The following DCC variants were observed in gnomAD, a reference collection of about 807,000 sequenced individuals.
The protein encoded by DCC is netrin receptor DCC.
Under a neutral mutation model 172.5 loss-of-function variants are expected in DCC, and 58 were observed. The observed-to-expected ratio is 0.34, with a 90% CI of 0.27 to 0.42. The LOEUF (loss-of-function observed/expected upper bound fraction) is 0.42. DCC is among the 10% of genes least tolerant of loss of function. DCC has a pLI of 1.00. For missense variants in DCC, 1,740 were observed against 1,791.0 expected (o/e 0.97, Z 0.51); for synonymous variants, 709 against 644.5 (o/e 1.10, Z -1.52).
At chr18:53,423,286 G>A (rs73461187) in intron 21 of DCC, among the ~76,000 whole-genome samples, 1 of 152,016 alleles carries the variant, frequency 6.6e-6, no homozygotes, top group Non-Finnish European at 1.5e-5. Context: ...CCAAGTACAC[G>A]GTCTTCCTAG....
chr18:52,384,643 T>C (rs902418647), intron 1 of DCC, among the ~76,000 whole-genome samples: 11 of 152,144 alleles, frequency 7.2e-5, no homozygotes, highest in African/African-American at 2.2e-4. Context: ...AAAATACTCA[T>C]CAGCTCTTGT....
intron 5 of DCC, among the ~76,000 whole-genome samples, chr18:53,021,235 TGTGGCTTGTAGGTCA>T (rs982679186): frequency 2.0e-5 from 3 of 152,194 alleles, no homozygotes; most frequent in Admixed American, 2.0e-4. Context: ...CATTCTTTCT[TGTGGCTTGTAGGTCA>T]GTGTTCTAAC....
chr18:52,698,340 T>C (rs1416018282), intron 1 of DCC, among the ~76,000 whole-genome samples: 1 of 152,190 alleles, frequency 6.6e-6, no homozygotes, highest in Non-Finnish European at 1.5e-5. Context: ...TTCTTTAACT[T>C]TGGAAAGAAT....
chr18:53,135,615 CA>C (rs1455028063), intron 7 of DCC, among the ~76,000 whole-genome samples: 1 of 152,100 alleles, frequency 6.6e-6, no homozygotes, highest in Non-Finnish European at 1.5e-5. Flanking sequence ...TTCAACTGGA[CA>C]AGGTTTTATG....
chr18:53,483,593 A>G (rs1410911735), intron 25 of DCC, among the ~76,000 whole-genome samples: 1 of 151,868 alleles, frequency 6.6e-6, no homozygotes, highest in African/African-American at 2.4e-5. Context: ...TATTTTCCCC[A>G]CAGATTAACA....
chr18:53,292,114 C>CT (rs199912413), intron 12 of DCC, among the ~76,000 whole-genome samples: 2 of 10,164 alleles, frequency 2.0e-4, no homozygotes, highest in African/African-American at 2.9e-4. Flanking sequence ...TTGAGCTCCA[C>CT]CCCCCCCCCC....
intron 2 of DCC, among the ~76,000 whole-genome samples, chr18:52,875,870 C>T (rs1055064270): frequency 1.2e-4 from 19 of 152,216 alleles, no homozygotes; most frequent in African/African-American, 4.6e-4. Flanking sequence ...CCTGGACCTT[C>T]TGGGATCTCT....
chr18:53,320,756 A>G (rs745586024), intron 13 of DCC, among the ~76,000 whole-genome samples: 3 of 152,170 alleles, frequency 2.0e-5, no homozygotes, highest in Non-Finnish European at 4.4e-5. Context: ...TTGTGTGTGC[A>G]TCTTCCCTGC....
chr18:52,376,985 G>A (rs911929209), intron 1 of DCC, among the ~76,000 whole-genome samples: 8 of 152,144 alleles, frequency 5.3e-5, no homozygotes, highest in Middle Eastern at 3.2e-3. Context: ...TACATCTGAT[G>A]CCTATCACCC....
At chr18:53,371,880 A>T (rs995655010) in intron 15 of DCC, among the ~76,000 whole-genome samples, 1 of 152,144 alleles carries the variant, frequency 6.6e-6, no homozygotes, top group African/African-American at 2.4e-5. Context: ...ATCACTAATC[A>T]TTAGAAATAT....
intron 21 of DCC, among the ~76,000 whole-genome samples, chr18:53,426,888 G>C (rs1200775026): frequency 6.6e-6 from 1 of 152,124 alleles, no homozygotes; most frequent in Non-Finnish European, 1.5e-5. Flanking sequence ...CCAGCAGGGT[G>C]CTCATGTTCT....
intron 28 of DCC, chr18:53,527,063 CATATACACATG>C (rs920885662): frequency 1.6e-5 from 6 of 383,142 alleles, no homozygotes; most frequent in Admixed American, 7.4e-5. Context: ...ATAATATATA[CATATACACATG>C]ATATACACAT....
intron 5 of DCC, among the ~76,000 whole-genome samples, chr18:53,051,902 A>AT (rs2042338884): frequency 1.3e-5 from 2 of 152,158 alleles, no homozygotes; most frequent in South Asian, 4.2e-4. Context: ...AAAGTATCCT[A>AT]TTCTTTAACT....
intron 7 of DCC, among the ~76,000 whole-genome samples, chr18:53,134,035 A>G (rs2043699945): frequency 6.6e-6 from 1 of 152,174 alleles, no homozygotes; most frequent in Non-Finnish European, 1.5e-5. Context: ...GGGGTGGGAT[A>G]TGTGAACTGT....
At chr18:52,396,224 G>A (rs12966891) in intron 1 of DCC, among the ~76,000 whole-genome samples, 2,075 of 151,834 alleles carry the variant, frequency 0.014, 21 homozygotes, top group Non-Finnish European at 0.021. Flanking sequence ...GCAATAAAGT[G>A]CTACTGATTT....
chr18:53,328,320 C>G (rs1367584175), intron 14 of DCC, among the ~76,000 whole-genome samples: 1 of 152,148 alleles, frequency 6.6e-6, no homozygotes, highest in Non-Finnish European at 1.5e-5. Flanking sequence ...TTGGATCCAG[C>G]TCCATTTACC....
chr18:53,182,380 T>C (rs1428994850), intron 9 of DCC, among the ~76,000 whole-genome samples: 1 of 152,230 alleles, frequency 6.6e-6, no homozygotes, highest in Non-Finnish European at 1.5e-5. Context: ...CAGATCATTG[T>C]TTATTTGCAC....
intron 5 of DCC, among the ~76,000 whole-genome samples, chr18:52,973,647 C>A (rs1235719066): frequency 3.3e-5 from 5 of 152,088 alleles, no homozygotes; most frequent in Non-Finnish European, 7.4e-5. Context: ...CCTGAAGAGA[C>A]CTTAGTGATC....
At chr18:53,126,550 G>A (rs1166044982) in intron 7 of DCC, among the ~76,000 whole-genome samples, 3 of 152,122 alleles carry the variant, frequency 2.0e-5, no homozygotes, top group Non-Finnish European at 4.4e-5. Context: ...GGAAAGTGGA[G>A]CTATTTTGGA....
Sources: gnomAD v4.1 joint callset for allele counts (sites outside exome capture counted in the v4.1 genomes callset) on GRCh38, gnomAD v4.1.1 for gene constraint, MANE v1.5 for transcripts, NCBI Gene and HGNC (gene_info 2026-07-23, HGNC 2026-07-21) for gene names.